The following OTOGL variants were observed in gnomAD, a reference collection of about 807,000 sequenced individuals.
OTOGL encodes the protein otogelin like, also known as otogelin-like protein.
A neutral mutation model predicts 318.5 loss-of-function variants in OTOGL; 285 were observed. That is an observed-to-expected ratio of 0.89 (90% CI 0.81 to 0.99). The LOEUF (loss-of-function observed/expected upper bound fraction) is 0.99, where lower values mean the gene tolerates loss of function less well. Ranked by LOEUF, OTOGL falls within the 50% of genes least tolerant of loss-of-function variation. OTOGL has a pLI of 0.00. For synonymous variants in OTOGL, 987 were observed against 936.5 expected (o/e 1.05, Z -0.99); for missense variants, 2,899 against 2,845.6 (o/e 1.02, Z -0.43).
At chr12:80,321,579 A>C (rs1244964995) in intron 34 of OTOGL, among the ~76,000 whole-genome samples, 2 of 151,608 alleles carry the variant, frequency 1.3e-5, no homozygotes, top group East Asian at 1.9e-4. Flanking sequence ...GTATAATAAA[A>C]AATAAAAAAA....
chr12:80,287,513 T>C (rs1277090408), intron 26 of OTOGL, among the ~76,000 whole-genome samples: 1 of 152,172 alleles, frequency 6.6e-6, no homozygotes, highest in African/African-American at 2.4e-5. Flanking sequence ...AGTCTCCCAC[T>C]ATTATTGTGT....
intron 11 of OTOGL, among the ~76,000 whole-genome samples, chr12:80,245,984 A>G (rs1253363374): frequency 7.1e-6 from 1 of 141,188 alleles, no homozygotes; most frequent in Non-Finnish European, 1.5e-5. Flanking sequence ...GGTGTATAAG[A>G]ATGCTTGTGA....
chr12:80,350,621 A>G (rs1236761756), intron 44 of OTOGL, among the ~76,000 whole-genome samples: 1 of 152,170 alleles, frequency 6.6e-6, no homozygotes, highest in Non-Finnish European at 1.5e-5. Context: ...GAAATATCAC[A>G]TTGTGGTTTT....
In OTOGL at chr12:80,103,088, A is replaced by G. The variant is rs905325369; in HGVS notation, c.-20+3483A>G. The G allele has an allele frequency of 5.3e-6, 6 of 1,128,578 alleles. No individual in the cohort carries two copies. The East Asian group carries it at 1.4e-4, about 27-fold the overall frequency. 69.9% of individuals were successfully genotyped at this position (1,128,578 alleles called of 1,614,324 possible). ...TAGCCTTTTCCCGCTGCACCCATTC[A>G]ATGTAGATAACATATTTCTTCCTGT... On this transcript the variant is annotated intron_variant, in intron 1 of 58. Transcript: ENST00000547103.
At chr12:80,377,745 T>C (rs926886512) in intron 58 of OTOGL, 103 bp from the exon 59 acceptor site, 1 of 887,446 alleles carries the variant, frequency 1.1e-6, no homozygotes, top group Non-Finnish European at 1.7e-6. Flanking sequence ...AGGGTTGGAG[T>C]GATGAGGAAG....
chr12:80,373,632 A>AATATTAAT (rs1482999892), intron 57 of OTOGL, among the ~76,000 whole-genome samples: 13 of 151,346 alleles, frequency 8.6e-5, no homozygotes, highest in African/African-American at 3.1e-4. Flanking sequence ...AATGTATTAA[A>AATATTAAT]ATATTAATAC....
intron 23 of OTOGL, among the ~76,000 whole-genome samples, chr12:80,270,404 G>A (rs1883321577): frequency 6.6e-6 from 1 of 152,148 alleles, no homozygotes; most frequent in Non-Finnish European, 1.5e-5. Flanking sequence ...ATGCTGCCTA[G>A]ATGCTGCCTA....
intron 1 of OTOGL, among the ~76,000 whole-genome samples, chr12:80,187,347 C>A (rs1406094868): frequency 6.6e-6 from 1 of 151,872 alleles, no homozygotes; most frequent in Non-Finnish European, 1.5e-5. Context: ...TTTACTTCTG[C>A]AGACCCTGCT....
chr12:80,104,635 G>A (rs965073289), intron 1 of OTOGL, among the ~76,000 whole-genome samples: 1 of 152,110 alleles, frequency 6.6e-6, no homozygotes, highest in Non-Finnish European at 1.5e-5. Context: ...GAGCAGTGTT[G>A]TAGGGGTGGG....
At chr12:80,123,506 GC>G (rs759970825) in intron 1 of OTOGL, among the ~76,000 whole-genome samples, 1 of 151,026 alleles carries the variant, frequency 6.6e-6, no homozygotes. Flanking sequence ...GTGTGCATGT[GC>G]CTTTATAGCA....
chr12:80,118,013 G>A (rs1331714773), intron 1 of OTOGL, among the ~76,000 whole-genome samples: 1 of 151,984 alleles, frequency 6.6e-6, no homozygotes, highest in Non-Finnish European at 1.5e-5. Context: ...CACGCCTGTT[G>A]TCTCATCACT....
chr12:80,180,925 A>G (rs945666755), intron 1 of OTOGL, among the ~76,000 whole-genome samples: 3 of 152,154 alleles, frequency 2.0e-5, no homozygotes, highest in African/African-American at 7.2e-5. Flanking sequence ...CCTTGGAGGA[A>G]GAGTTATCAG....
intron 8 of OTOGL, 150 bp from the exon 9 acceptor site, chr12:80,232,742 G>C: frequency 1.4e-6 from 1 of 697,838 alleles, no homozygotes; most frequent in Non-Finnish European, 2.3e-6. Flanking sequence ...TTTTCCAGAG[G>C]ATGGTTGCTT....
chr12:80,281,803 C>T (rs1018613968), intron 26 of OTOGL, among the ~76,000 whole-genome samples: 1 of 151,714 alleles, frequency 6.6e-6, no homozygotes, highest in Non-Finnish European at 1.5e-5. Flanking sequence ...GAAAGAAGTT[C>T]TGAGGATTGA....
chr12:80,227,806 C>A (rs1879001067), intron 7 of OTOGL, among the ~76,000 whole-genome samples: 1 of 152,114 alleles, frequency 6.6e-6, no homozygotes, highest in African/African-American at 2.4e-5. Flanking sequence ...CTCTCACGCT[C>A]CATCTTTACT....
intron 1 of OTOGL, among the ~76,000 whole-genome samples, chr12:80,180,908 T>A (rs533692871): frequency 3.9e-5 from 6 of 152,310 alleles, no homozygotes; most frequent in Admixed American, 2.0e-4. Flanking sequence ...GTGTGTCAAA[T>A]GAATGCCCTT....
At chr12:80,197,675 C>G (rs142817951) in intron 1 of OTOGL, among the ~76,000 whole-genome samples, 3 of 152,180 alleles carry the variant, frequency 2.0e-5, no homozygotes, top group Non-Finnish European at 4.4e-5. Context: ...GCAGGAAAGC[C>G]GATTCCACAA....
chr12:80,124,980 G>T (rs1453335883), intron 1 of OTOGL, among the ~76,000 whole-genome samples: 3 of 152,202 alleles, frequency 2.0e-5, no homozygotes, highest in East Asian at 1.9e-4. Flanking sequence ...CATGTCATCT[G>T]CAAACAGGGA....
intron 22 of OTOGL, among the ~76,000 whole-genome samples, chr12:80,267,778 C>CAT (rs961683994): frequency 5.3e-5 from 8 of 151,630 alleles, no homozygotes; most frequent in Non-Finnish European, 1.0e-4. Context: ...TGTACAAACA[C>CAT]ATATATACAT....
Sources: gnomAD v4.1 joint callset for allele counts (sites outside exome capture counted in the v4.1 genomes callset) on GRCh38, gnomAD v4.1.1 for gene constraint, MANE v1.5 for transcripts, NCBI Gene and HGNC (gene_info 2026-07-23, HGNC 2026-07-21) for gene names.